PLEKHM1: variants seen among roughly 807,000 people sequenced by gnomAD.
PLEKHM1 encodes the protein pleckstrin homology and RUN domain containing M1, also known as pleckstrin homology domain-containing family M member 1.
A neutral mutation model predicts 94.3 loss-of-function variants in PLEKHM1; 28 were observed. The ratio of observed to expected loss-of-function variants is 0.30; its 90% CI spans 0.22 to 0.41. PLEKHM1 has a LOEUF of 0.41. Among genes scored for constraint, PLEKHM1 ranks in the 10% least tolerant of loss-of-function variants. The pLI, the probability that PLEKHM1 is intolerant of heterozygous loss-of-function variation, is 1.00. For missense variants in PLEKHM1, 907 were observed against 1,358.6 expected, an observed-to-expected ratio of 0.67 and a Z score of 5.22; for synonymous variants, 424 against 581.2, an observed-to-expected ratio of 0.73 and a Z score of 3.89.
In PLEKHM1 at chr17:45,437,768, C is replaced by T. The variant is rs767267541; in HGVS notation, c.*90G>A. 5.1e-6 allele frequency: 5 copies of T among 976,598 alleles called. No individual in the cohort carries two copies. Among genetic ancestry groups the T allele is most frequent in the East Asian group, 2.4e-5 (1 of 41,832 alleles). The allele number at this position is 976,598 out of a possible 1,614,324, so 60.5% of individuals were successfully genotyped here. A position where few individuals can be genotyped will look rare whatever the true frequency, so the allele number is the denominator to read the frequency against. On this transcript the variant is annotated 3_prime_UTR_variant, in exon 12 of 12. Coordinates refer to ENST00000430334, the MANE Select transcript of PLEKHM1 (RefSeq NM_014798.3). The surrounding 1 kb of genome is among the most constrained non-coding windows in gnomAD (Gnocchi z 4.0). Reference sequence around the variant, plus strand: ...CTGACAAGGGGACACAGCTGTGACACGGTGAGTATCCTGGGCTGATGGCAA... The same window carrying T: ...CTGACAAGGGGACACAGCTGTGACATGGTGAGTATCCTGGGCTGATGGCAA...
intron 4 of PLEKHM1, among the ~76,000 whole-genome samples, chr17:45,470,302 T>C (rs904480727): frequency 6.6e-6 from 1 of 152,274 alleles, no homozygotes; most frequent in Non-Finnish European, 1.5e-5. Flanking sequence ...ATAAACTTCA[T>C]GTCTTTGGAT....
chr17:45,437,478 A>C lies in PLEKHM1; in HGVS notation c.*380T>G, dbSNP rs2050300642. The C allele has an allele frequency of 4.1e-6, 2 of 492,650 alleles. No individual in the cohort carries two copies. The highest frequency in any genetic ancestry group is 3.1e-5 in the South Asian group (2 of 64,802). 30.5% of individuals were successfully genotyped at this position (492,650 alleles called of 1,614,324 possible). A position where few individuals can be genotyped will look rare whatever the true frequency, so the allele number is the denominator to read the frequency against. On this transcript the variant is annotated 3_prime_UTR_variant, in exon 12 of 12. Coordinates refer to ENST00000430334, the MANE Select transcript of PLEKHM1 (RefSeq NM_014798.3). The surrounding 1 kb of genome is among the most constrained non-coding windows in gnomAD (Gnocchi z 4.0). ...GAATGGGAAAAACCCACCTTAAAAA[A>C]CTAGACCTTTTAATCAGGAATGTGG...
chr17:45,437,331 C>T lies in PLEKHM1; in HGVS notation c.*527G>A. The T allele has an allele frequency of 2.2e-6, 1 of 454,104 alleles. No individual in the cohort carries two copies. The highest frequency in any genetic ancestry group is 4.4e-6 in the Non-Finnish European group (1 of 226,812). 28.1% of individuals were successfully genotyped at this position (454,104 alleles called of 1,614,324 possible). A position where few individuals can be genotyped will look rare whatever the true frequency, so the allele number is the denominator to read the frequency against. The stretch of plus-strand genomic sequence containing the variant: ...TCCCAGCAGTGGCCTGCCCACCAGC[C>T]ACCCGCTACCTCTAAGCCAGGCCTG... On this transcript the variant is annotated 3_prime_UTR_variant, in exon 12 of 12. Coordinates refer to ENST00000430334, the MANE Select transcript of PLEKHM1 (RefSeq NM_014798.3). The surrounding 1 kb of genome is among the most constrained non-coding windows in gnomAD (Gnocchi z 4.0).
chr17:45,445,613 G>A lies in PLEKHM1; in HGVS notation c.2694C>T (p.Leu898=), dbSNP rs1164811604. The change falls in exon 9 of 12, where the codon CTC becomes CTT. Residue 898 remains leucine, a synonymous_variant. Transcript: ENST00000430334. The surrounding 1 kb of genome is among the most constrained non-coding windows in gnomAD (Gnocchi z 4.2). ...KFLTQIRAQP[L]INLQMVNASL... ...ACGCGTTCACCATCTGCAGGTTGAT[G>A]AGGGGCTGGGCCCGGATCTGTGTCA... 6.2e-7 allele frequency: 1 copy of A among 1,613,730 alleles called. No homozygotes were observed. The highest frequency in any genetic ancestry group is 8.5e-7 in the Non-Finnish European group (1 of 1,179,870).
At chr17:45,450,909 C>G in intron 7 of PLEKHM1, 146 bp from the exon 8 acceptor site, 1 of 598,334 alleles carries the variant, frequency 1.7e-6, no homozygotes, top group Non-Finnish European at 3.0e-6. Context: ...ATTTCCACCA[C>G]TCAGAACTCC....
At chr17:45,450,181 C>T (rs2050736355) in intron 8 of PLEKHM1, among the ~76,000 whole-genome samples, 1 of 151,838 alleles carries the variant, frequency 6.6e-6, no homozygotes, top group South Asian at 2.1e-4. Flanking sequence ...ATCCACCTAA[C>T]CATCCACCTA....
intron 2 of PLEKHM1, among the ~76,000 whole-genome samples, 154 bp from the exon 3 acceptor site, chr17:45,478,301 T>C (rs1262084878): frequency 6.6e-6 from 1 of 152,200 alleles, no homozygotes; most frequent in Non-Finnish European, 1.5e-5. Context: ...AATTAGCACA[T>C]TGTTAACTAC....
intron 5 of PLEKHM1, chr17:45,460,499 C>G (rs543257393): frequency 6.6e-6 from 1 of 152,294 alleles, no homozygotes; most frequent in African/African-American, 2.4e-5. Flanking sequence ...AGGTGACCCA[C>G]TTGCCTCAGC....
Position 45,436,245 on chromosome 17 carries a change from A to T in PLEKHM1, c.*1613T>A. 2 of 454,318 alleles carry T rather than the reference A, an allele frequency of 4.4e-6. No homozygotes were observed. The highest frequency in any genetic ancestry group is 8.8e-6 in the Non-Finnish European group (2 of 226,904). The allele number at this position is 454,318 out of a possible 1,614,324, so 28.1% of individuals were successfully genotyped here. On this transcript the variant is annotated 3_prime_UTR_variant, in exon 12 of 12. Coordinates refer to ENST00000430334, the MANE Select transcript of PLEKHM1 (RefSeq NM_014798.3). Reference sequence around the variant, plus strand: ...GGATGGGGCAATGAGGGCTCTGACTAGGCTGGGCTTGTGGTGGAGCGTTAA... The same window carrying T: ...GGATGGGGCAATGAGGGCTCTGACTTGGCTGGGCTTGTGGTGGAGCGTTAA...
chr17:45,483,869 G>A (rs1380692112), intron 1 of PLEKHM1, among the ~76,000 whole-genome samples: 1 of 152,180 alleles, frequency 6.6e-6, no homozygotes, highest in Admixed American at 6.5e-5. Context: ...AGGAAAACCC[G>A]ATTCCTGAGT....
chr17:45,481,828 G>A (rs1230204892), intron 2 of PLEKHM1, among the ~76,000 whole-genome samples: 2 of 152,152 alleles, frequency 1.3e-5, no homozygotes, highest in Non-Finnish European at 1.5e-5. Context: ...GCAGTGGGGA[G>A]GAAAGGAAAT....
At position 45,435,917 on chromosome 17, in the gene PLEKHM1, TC is replaced by T. The variant is rs1567752810; in HGVS notation, c.*1940del. 1 of 455,440 alleles carries T rather than the reference TC, an allele frequency of 2.2e-6. No individual in the cohort carries two copies. Among genetic ancestry groups the T allele is most frequent in the Non-Finnish European group, 4.4e-6 (1 of 226,080 alleles). 28.2% of individuals were successfully genotyped at this position (455,440 alleles called of 1,614,324 possible). On this transcript the variant is annotated 3_prime_UTR_variant, in exon 12 of 12. Coordinates refer to ENST00000430334, the MANE Select transcript of PLEKHM1 (RefSeq NM_014798.3). ...CAGACCAGTGATGAGAAAGATCAGG[TC>T]TTTACTGCAAAATCATTCAAAACTC...
Position 45,479,316 on chromosome 17 carries a change from G to A in PLEKHM1, c.49-1169C>T, listed in dbSNP as rs572983451. On this transcript the variant is annotated intron_variant, in intron 2 of 11. Transcript: ENST00000430334. The stretch of plus-strand genomic sequence containing the variant: ...GGGCGGATCACGAGGTCAGAAGATC[G>A]AGACCATCCTGGATAACAGGCTGAA... Among the ~76,000 whole-genome samples, 157 of 152,160 alleles carry A rather than the reference G, an allele frequency of 1.0e-3. 1 individual carries two copies. Among genetic ancestry groups the A allele is most frequent in the Non-Finnish European group, 1.9e-3 (126 of 68,004 alleles).
intron 2 of PLEKHM1, among the ~76,000 whole-genome samples, chr17:45,479,995 T>A (rs531592716): frequency 6.0e-4 from 91 of 152,386 alleles, no homozygotes; most frequent in African/African-American, 2.1e-3. Flanking sequence ...TATGGCTACA[T>A]ATTTTAATCT....
chr17:45,437,987 G>C lies in PLEKHM1; in HGVS notation c.3060-18C>G, dbSNP rs1316773707. ...CGGCACACCTGGGGAGAGAGCAGTA[G>C]GCCTGCTGGTGCCGGCTGGGCTGGA... On this transcript the variant is annotated intron_variant, in intron 11 of 11. Coordinates refer to ENST00000430334, the MANE Select transcript of PLEKHM1 (RefSeq NM_014798.3). The surrounding 1 kb of genome is among the most constrained non-coding windows in gnomAD (Gnocchi z 4.0). The C allele has an allele frequency of 6.3e-7, 1 of 1,597,890 alleles. No individual in the cohort carries two copies. Among genetic ancestry groups the C allele is most frequent in the Non-Finnish European group, 8.6e-7 (1 of 1,166,756 alleles).
chr17:45,451,542 A>T (rs1597935094), intron 7 of PLEKHM1, among the ~76,000 whole-genome samples: 1 of 152,204 alleles, frequency 6.6e-6, no homozygotes, highest in Middle Eastern at 3.4e-3. Context: ...CCTTCACCTG[A>T]TTTCTTCAAG....
intron 8 of PLEKHM1, among the ~76,000 whole-genome samples, chr17:45,447,669 G>A (rs1219747888): frequency 6.6e-6 from 1 of 151,968 alleles, no homozygotes; most frequent in Non-Finnish European, 1.5e-5. Flanking sequence ...GAACAATAAG[G>A]CCCCAAACCC....
chr17:45,477,840 C>A (rs767041475), intron 3 of PLEKHM1, 60 bp downstream of exon 3: 16 of 1,600,764 alleles, frequency 1.0e-5, no homozygotes, highest in East Asian at 2.2e-5. Context: ...GGAGGAAAAG[C>A]CAAGTGTCCC....
chr17:45,438,049 C>A, intron 11 of PLEKHM1, 80 bp from the exon 12 acceptor site: 1 of 1,043,050 alleles, frequency 9.6e-7, no homozygotes, highest in South Asian at 1.3e-5. Flanking sequence ...CCCTTTTGAC[C>A]AGAACCCACG....
Sources: allele counts gnomAD v4.1 joint callset (sites outside exome capture counted in the v4.1 genomes callset), GRCh38; gene constraint gnomAD v4.1.1; non-coding constraint Gnocchi (gnomAD v3.1); transcripts MANE v1.5; gene names NCBI Gene and HGNC (gene_info 2026-07-23, HGNC 2026-07-21).